Variants in SHANK2 observed in about 807,000 individuals in gnomAD.
SHANK2 encodes the protein SH3 and multiple ankyrin repeat domains 2.
A neutral mutation model predicts 133.7 loss-of-function variants in SHANK2; 43 were observed. The ratio of observed to expected loss-of-function variants is 0.32; its 90% CI spans 0.25 to 0.41. The LOEUF (loss-of-function observed/expected upper bound fraction) is 0.41, where lower values mean the gene tolerates loss of function less well. SHANK2 is among the 10% of genes least tolerant of loss of function. The pLI, the probability that SHANK2 is intolerant of heterozygous loss-of-function variation, is 1.00. For missense variants in SHANK2, 1,994 were observed against 2,235.8 expected (o/e 0.89, Z 2.18); for synonymous variants, 1,017 against 952.8 (o/e 1.07, Z -1.24).
intron 12 of SHANK2, among the ~76,000 whole-genome samples, chr11:70,817,924 G>A (rs1342017057): frequency 6.6e-6 from 1 of 152,158 alleles, no homozygotes; most frequent in African/African-American, 2.4e-5. Flanking sequence ...TAGTAGAGAT[G>A]GGGTTTCACC....
Position 70,487,269 on chromosome 11 carries a change from C to T in SHANK2, c.3024G>A (p.Arg1008=). Residue 1008 remains arginine, a synonymous_variant, in exon 25 of 26, where the codon AGG becomes AGA. Transcript: ENST00000601538. The surrounding 1 kb of genome is among the most constrained non-coding windows in gnomAD (Gnocchi z 5.8). The part of the protein sequence containing the change: ...KAVYVPAKPA[R]RKGMLVKQSN... ...ACTGCTTCACCAGCATCCCCTTCCG[C>T]CTGGCGGGCTTGGCGGGGACGTAGA... 6.2e-7 allele frequency: 1 copy of T among 1,614,234 alleles called. No homozygotes were observed. The highest frequency in any genetic ancestry group is 8.5e-7 in the Non-Finnish European group (1 of 1,180,052).
In SHANK2 at chr11:71,238,738, TG is replaced by T. The variant is rs1954853715; in HGVS notation, c.-113+13686del. On this transcript the variant is annotated intron_variant, in intron 1 of 25. Transcript: ENST00000601538. ...CTCTGCTGGGCAAATGCACTGTCTG[TG>T]GCCAGAGCTTGCTCGAGTCAATCAG... 2.0e-5 allele frequency among the ~76,000 whole-genome samples: 3 copies of T among 152,250 alleles called. No homozygotes were observed. In the South Asian group the frequency reaches 6.2e-4, roughly 31 times the overall value.
intron 14 of SHANK2, among the ~76,000 whole-genome samples, chr11:70,773,635 G>C (rs1479831256): frequency 1.3e-5 from 2 of 152,168 alleles, no homozygotes; most frequent in African/African-American, 4.8e-5. Context: ...TACAGGACTA[G>C]ATATTACTTG....
rs539088904 is a variant in SHANK2 at position 70,723,171 on chromosome 11, T to C, written c.1778-24408A>G. 2.0e-3 allele frequency among the ~76,000 whole-genome samples: 307 copies of C among 152,270 alleles called. 2 individuals carry two copies. Among genetic ancestry groups the C allele is most frequent in the Non-Finnish European group, 3.3e-3 (226 of 68,030 alleles). On this transcript the variant is annotated intron_variant, in intron 14 of 25. Transcript: ENST00000601538. ...GTGATTCTCTCCCAATGAGCATGGG[T>C]TGGGTCTCAGACTTGCTTCTTCCAA... is the stretch of plus-strand genomic sequence containing the variant.
chr11:70,871,546 C>T (rs868936134), intron 11 of SHANK2, among the ~76,000 whole-genome samples: 32 of 152,338 alleles, frequency 2.1e-4, no homozygotes, highest in Admixed American at 1.6e-3. Context: ...GAGGCTGTGC[C>T]TGGGACCCTG....
chr11:70,575,518 C>CAAAAAAATAAAAAAA (rs2060105012), intron 17 of SHANK2, among the ~76,000 whole-genome samples: 1 of 139,554 alleles, frequency 7.2e-6, no homozygotes, highest in African/African-American at 2.8e-5. Flanking sequence ...GACTCTGCCT[C>CAAAAAAATAAAAAAA]AAAAAAAAAA....
In SHANK2 at chr11:70,923,773, G is replaced by A. The variant is rs139016348; in HGVS notation, c.1108-27206C>T. Among the ~76,000 whole-genome samples, 246 of 151,852 alleles carry A rather than the reference G, an allele frequency of 1.6e-3. 3 individuals are homozygous for A. The highest frequency in any genetic ancestry group is 0.014 in the Admixed American group (216 of 15,272). On this transcript the variant is annotated intron_variant, in intron 10 of 25. Coordinates refer to ENST00000601538, the MANE Select transcript of SHANK2 (RefSeq NM_012309.5). ...TCACTATGTTGCCCTGGCTGCTCTT[G>A]AACTCCTGGGCTCAAGTGATGATCC... is the stretch of plus-strand genomic sequence containing the variant.
chr11:70,727,013 C>T (rs1946193131), intron 14 of SHANK2, among the ~76,000 whole-genome samples: 1 of 152,246 alleles, frequency 6.6e-6, no homozygotes, highest in Non-Finnish European at 1.5e-5. Context: ...ACCCTCCCTG[C>T]AGAACCCACC....
At chr11:71,095,972 A>C (rs1282611595) in intron 6 of SHANK2, among the ~76,000 whole-genome samples, 2 of 133,568 alleles carry the variant, frequency 1.5e-5, no homozygotes, top group Non-Finnish European at 3.3e-5. Context: ...TCCATGTGAA[A>C]AGCATGCTTC....
chr11:70,592,841 T>C (rs909489196), intron 17 of SHANK2, among the ~76,000 whole-genome samples: 1 of 152,174 alleles, frequency 6.6e-6, no homozygotes, highest in African/African-American at 2.4e-5. Flanking sequence ...AGGGACCCGA[T>C]GTCCAGCAGA....
chr11:71,056,904 T>C (rs1309888072), intron 9 of SHANK2, among the ~76,000 whole-genome samples: 2 of 152,198 alleles, frequency 1.3e-5, no homozygotes, highest in Non-Finnish European at 2.9e-5. Flanking sequence ...CTAGCATACA[T>C]GTTCTAAAAT....
chr11:70,590,850 C>A (rs1209427925), intron 17 of SHANK2, among the ~76,000 whole-genome samples: 1 of 152,016 alleles, frequency 6.6e-6, no homozygotes, highest in Non-Finnish European at 1.5e-5. Flanking sequence ...CCACAAATAT[C>A]CCCAGGTCGG....
intron 17 of SHANK2, among the ~76,000 whole-genome samples, chr11:70,583,596 G>A (rs77308923): frequency 0.031 from 4,781 of 152,294 alleles, 125 homozygotes; most frequent in East Asian, 0.096. Flanking sequence ...CAGATGGCAC[G>A]GAAAACATGC....
chr11:70,507,574 G>A (rs1436133325), intron 17 of SHANK2, among the ~76,000 whole-genome samples: 1 of 152,194 alleles, frequency 6.6e-6, no homozygotes, highest in African/African-American at 2.4e-5. Flanking sequence ...ATGGGGGAAT[G>A]TCATGTGGGC....
At position 70,573,429 on chromosome 11, in the gene SHANK2, A is replaced by G. The variant is rs1360393713; in HGVS notation, c.2062-70498T>C. ...CACGTGAAAACTTATAGAATTGCAC[A>G]CTTTAAATATGTGAACTTGACTGGA... On this transcript the variant is annotated intron_variant, in intron 17 of 25. Transcript: ENST00000601538. Among the ~76,000 whole-genome samples the G allele has an allele frequency of 6.6e-5, 10 of 151,340 alleles. No homozygotes were observed. The Admixed American group carries it at 6.6e-4, about 10-fold the overall frequency.
intron 11 of SHANK2, among the ~76,000 whole-genome samples, chr11:70,879,141 G>C (rs1425735572): frequency 6.6e-6 from 1 of 152,202 alleles, no homozygotes; most frequent in Non-Finnish European, 1.5e-5. Context: ...GAGAATTGGG[G>C]ACCAGAATCC....
At chr11:71,134,756 C>T (rs1952405858) in intron 3 of SHANK2, among the ~76,000 whole-genome samples, 1 of 152,046 alleles carries the variant, frequency 6.6e-6, no homozygotes, top group Admixed American at 6.5e-5. Context: ...GGCCTCACAT[C>T]TTAAACCCTC....
intron 14 of SHANK2, among the ~76,000 whole-genome samples, chr11:70,750,819 G>A (rs747587802): frequency 6.6e-6 from 1 of 152,130 alleles, no homozygotes; most frequent in Non-Finnish European, 1.5e-5. Context: ...GCAAGCCAAG[G>A]GGTTAGAAGC....
chr11:70,723,658 A>T (rs183473393), intron 14 of SHANK2, among the ~76,000 whole-genome samples: 5 of 152,254 alleles, frequency 3.3e-5, no homozygotes, highest in African/African-American at 1.2e-4. Context: ...TTATGGTAAT[A>T]TTGTCATGCA....
Sources: gnomAD v4.1 joint callset for allele counts (sites outside exome capture counted in the v4.1 genomes callset) on GRCh38, gnomAD v4.1.1 for gene constraint, Gnocchi (gnomAD v3.1) non-coding constraint, MANE v1.5 for transcripts, NCBI Gene and HGNC (gene_info 2026-07-23, HGNC 2026-07-21) for gene names.